C4BPA: variants seen among roughly 807,000 people sequenced by gnomAD.
The protein encoded by C4BPA is C4b-binding protein alpha chain.
In C4BPA, 31 loss-of-function variants were observed where a neutral mutation model predicts 63.7. That is an observed-to-expected ratio of 0.49 (90% confidence interval 0.37 to 0.66). The LOEUF is 0.66. Ranked by LOEUF, C4BPA falls within the 30% of genes least tolerant of loss-of-function variation. C4BPA has a pLI of 0.00. For missense variants in C4BPA, 572 were observed against 723.3 expected, an observed-to-expected ratio of 0.79 and a Z score of 2.40; for synonymous variants, 259 against 254.7, an observed-to-expected ratio of 1.02 and a Z score of -0.16.
intron 9 of C4BPA, among the ~76,000 whole-genome samples, chr1:207,135,224 G>T (rs1348593949): frequency 6.6e-6 from 1 of 152,190 alleles, no homozygotes; most frequent in Non-Finnish European, 1.5e-5. Context: ...TGTAGTCCCA[G>T]CTACTCAGGA....
At chr1:207,108,957 G>A (rs188666868) in intron 1 of C4BPA, among the ~76,000 whole-genome samples, 4 of 152,202 alleles carry the variant, frequency 2.6e-5, no homozygotes, top group East Asian at 1.9e-4. Flanking sequence ...TCCTGACCTC[G>A]TGATCTGCCC....
At chr1:207,137,864 C>T (rs1012268569) in intron 9 of C4BPA, among the ~76,000 whole-genome samples, 4 of 152,178 alleles carry the variant, frequency 2.6e-5, no homozygotes, top group African/African-American at 4.8e-5. Flanking sequence ...GTGATCCGCC[C>T]ACCTCGGCCT....
intron 1 of C4BPA, among the ~76,000 whole-genome samples, chr1:207,107,254 T>A (rs1296115909): frequency 1.3e-5 from 2 of 152,148 alleles, no homozygotes; most frequent in African/African-American, 2.4e-5. Flanking sequence ...AGGTGTTTTT[T>A]AAAAAAATCC....
intron 9 of C4BPA, among the ~76,000 whole-genome samples, chr1:207,137,861 G>A (rs957531228): frequency 6.6e-6 from 1 of 152,100 alleles, no homozygotes; most frequent in East Asian, 1.9e-4. Flanking sequence ...GAAGTGATCC[G>A]CCCACCTCGG....
intron 7 of C4BPA, among the ~76,000 whole-genome samples, chr1:207,130,573 A>G (rs1468347321): frequency 6.6e-6 from 1 of 152,206 alleles, no homozygotes; most frequent in Non-Finnish European, 1.5e-5. Flanking sequence ...GAATAAACAA[A>G]AAGTGGTTTA....
rs745339467 is a variant in C4BPA at position 207,124,185 on chromosome 1, T to C, written c.525T>C (p.Cys175=). The C allele has an allele frequency of 3.7e-6, 6 of 1,613,636 alleles. No individual in the cohort carries two copies. In the South Asian group the frequency reaches 6.6e-5, roughly 18 times the overall value. The change falls in exon 6 of 12, where the codon TGT becomes TGC. Residue 175 remains cysteine, a synonymous_variant. Transcript: ENST00000367070. ...ACTCACTTACCTCAGTTGTCAAGTG[T>C]AAGCCTCCTCCAGACATCAGGAATG... ...HPLPQCEIVK[C]KPPPDIRNGR... is the part of the protein sequence containing the mutation.
At position 207,141,191 on chromosome 1, in the gene C4BPA, A is replaced by G. The variant is rs1685407124; in HGVS notation, c.1359A>G (p.Glu453=). 2 of 1,613,624 alleles carry G rather than the reference A, an allele frequency of 1.2e-6. No individual in the cohort carries two copies. The highest frequency in any genetic ancestry group is 2.7e-5 in the African/African-American group (2 of 74,916). ...YSFFKEEIIY[E]CDKGYILVGQ... The stretch of plus-strand genomic sequence containing the variant: ...TTTTCAAAGAAGAGATTATATATGA[A>G]TGTGATAAAGGCTACATTCTGGTCG... The change falls in exon 10 of 12, where the codon GAA becomes GAG. Residue 453 remains glutamate (E), a synonymous_variant. Transcript: ENST00000367070.
chr1:207,142,045 T>C (rs1340446706), intron 10 of C4BPA, among the ~76,000 whole-genome samples: 1 of 152,146 alleles, frequency 6.6e-6, no homozygotes. Context: ...CATTAGGTAT[T>C]TCTCCTAATG....
At chr1:207,143,652 T>C (rs1189904061) in intron 10 of C4BPA, among the ~76,000 whole-genome samples, 166 bp from the exon 11 acceptor site, 1 of 152,200 alleles carries the variant, frequency 6.6e-6, no homozygotes, top group East Asian at 1.9e-4. Context: ...AGCAGAAGTC[T>C]GATAGGTAGT....
intron 1 of C4BPA, among the ~76,000 whole-genome samples, chr1:207,105,810 T>C (rs1052601472): frequency 6.6e-6 from 1 of 152,170 alleles, no homozygotes; most frequent in Non-Finnish European, 1.5e-5. Context: ...GGACTAAAGA[T>C]TTTTCCAGTG....
intron 4 of C4BPA, among the ~76,000 whole-genome samples, chr1:207,123,474 T>A (rs1684961989): frequency 6.6e-6 from 1 of 152,154 alleles, no homozygotes; most frequent in African/African-American, 2.4e-5. Flanking sequence ...GAGTAGGACA[T>A]ATCAAGAGCC....
chr1:207,105,801 G>A (rs1377750237), intron 1 of C4BPA, among the ~76,000 whole-genome samples: 1 of 152,068 alleles, frequency 6.6e-6, no homozygotes, highest in African/African-American at 2.4e-5. Flanking sequence ...GAAATTTGAG[G>A]ACTAAAGATT....
chr1:207,107,275 T>C (rs1684580510), intron 1 of C4BPA, among the ~76,000 whole-genome samples: 1 of 152,126 alleles, frequency 6.6e-6, no homozygotes, highest in African/African-American at 2.4e-5. Flanking sequence ...TGGCTTTGTA[T>C]GGTGGCTCAC....
intron 7 of C4BPA, among the ~76,000 whole-genome samples, chr1:207,129,190 G>C (rs1175098945): frequency 2.0e-5 from 3 of 151,980 alleles, no homozygotes; most frequent in Non-Finnish European, 4.4e-5. Context: ...CAGTAGATTT[G>C]AGTTGGAAAA....
intron 6 of C4BPA, among the ~76,000 whole-genome samples, chr1:207,125,976 G>A (rs1430415049): frequency 2.0e-5 from 3 of 151,976 alleles, no homozygotes; most frequent in South Asian, 4.1e-4. Flanking sequence ...TCTGCTTGTC[G>A]GGGCATGGGT....
intron 7 of C4BPA, among the ~76,000 whole-genome samples, chr1:207,131,337 G>A (rs1218915502): frequency 1.3e-5 from 2 of 152,232 alleles, no homozygotes; most frequent in African/African-American, 4.8e-5. Flanking sequence ...CCACTTGGGA[G>A]TGCCCTTAGT....
At chr1:207,106,567 G>GAGT (rs1163686706) in intron 1 of C4BPA, among the ~76,000 whole-genome samples, 1 of 142,564 alleles carries the variant, frequency 7.0e-6, no homozygotes, top group East Asian at 2.2e-4. Context: ...TCAGCCTCCC[G>GAGT]AGTAGCTGGG....
chr1:207,129,734 C>T (rs769133143), intron 7 of C4BPA, among the ~76,000 whole-genome samples: 1 of 152,106 alleles, frequency 6.6e-6, no homozygotes, highest in Non-Finnish European at 1.5e-5. Flanking sequence ...TTTGCACTTA[C>T]ATATATTACA....
intron 1 of C4BPA, among the ~76,000 whole-genome samples, chr1:207,112,526 T>A (rs1422802803): frequency 6.6e-6 from 1 of 152,150 alleles, no homozygotes; most frequent in Non-Finnish European, 1.5e-5. Context: ...AATAATTATG[T>A]CATTCCTCAG....
Sources: allele counts gnomAD v4.1 joint callset (sites outside exome capture counted in the v4.1 genomes callset), GRCh38; gene constraint gnomAD v4.1.1; transcripts MANE v1.5; gene names NCBI Gene and HGNC (gene_info 2026-07-23, HGNC 2026-07-21).